Variants in NOL4 observed in about 807,000 individuals in gnomAD.
NOL4 encodes the protein nucleolar protein 4, also known as cancer/testis antigen 125.
NOL4 carries 17 observed loss-of-function variants against 75.9 expected under a neutral mutation model. That is an observed-to-expected ratio of 0.22 (90% CI 0.15 to 0.34). The LOEUF is 0.34. Ranked by LOEUF, NOL4 falls within the 10% of genes least tolerant of loss-of-function variation. The pLI is 1.00. For synonymous variants in NOL4, 292 were observed against 289.9 expected (o/e 1.01, Z -0.07); for missense variants, 614 against 793.5 (o/e 0.77, Z 2.72).
At chr18:33,881,659 C>A (rs1436490082) in intron 10 of NOL4, among the ~76,000 whole-genome samples, 2 of 152,050 alleles carry the variant, frequency 1.3e-5, no homozygotes, top group Non-Finnish European at 2.9e-5. Flanking sequence ...AATGCCATCC[C>A]CATCAAGCTA....
chr18:34,212,081 T>C (rs2036552366), intron 1 of NOL4, among the ~76,000 whole-genome samples: 3 of 152,204 alleles, frequency 2.0e-5, no homozygotes, highest in Non-Finnish European at 1.5e-5. Flanking sequence ...TTTCCTTTGA[T>C]ATGTGTACTT....
In NOL4 at chr18:33,917,122, C is replaced by T. The variant is rs1165607307; in HGVS notation, c.1542+25943G>A. Among the ~76,000 whole-genome samples, 5 of 152,092 alleles carry T rather than the reference C, an allele frequency of 3.3e-5. No individual in the cohort carries two copies. The East Asian group carries it at 7.7e-4, about 24-fold the overall frequency. ...CAAGGTAATTAATAATTTTTAATTA[C>T]CAGGAGCCTAGATTATGCAAATGAA... On this transcript the variant is annotated intron_variant, in intron 9 of 10. Coordinates refer to ENST00000261592, the MANE Select transcript of NOL4 (RefSeq NM_003787.5).
chr18:34,192,855 T>C (rs575979882), intron 1 of NOL4, among the ~76,000 whole-genome samples: 5 of 152,274 alleles, frequency 3.3e-5, no homozygotes, highest in Admixed American at 3.3e-4. Context: ...GCTTATCACA[T>C]AGTGGATTGT....
At chr18:33,998,298 T>C (rs763590378) in intron 6 of NOL4, among the ~76,000 whole-genome samples, 101 of 152,198 alleles carry the variant, frequency 6.6e-4, no homozygotes, top group Non-Finnish European at 1.1e-3. Context: ...ATAATGCTAC[T>C]AAAAAAGAAA....
chr18:33,984,418 C>T (rs1877147152), intron 6 of NOL4, among the ~76,000 whole-genome samples: 1 of 152,002 alleles, frequency 6.6e-6, no homozygotes, highest in South Asian at 2.1e-4. Flanking sequence ...ATCTGTGTCC[C>T]CACCCAAATC....
chr18:34,002,221 G>A (rs1443402280), intron 6 of NOL4, among the ~76,000 whole-genome samples: 1 of 151,932 alleles, frequency 6.6e-6, no homozygotes, highest in African/African-American at 2.4e-5. Context: ...AAGGACTTTT[G>A]AAATGTGGCC....
At chr18:34,199,490 G>GCTC (rs1467393117) in intron 1 of NOL4, among the ~76,000 whole-genome samples, 15 of 151,980 alleles carry the variant, frequency 9.9e-5, no homozygotes, top group African/African-American at 3.6e-4. Flanking sequence ...CAATTAAAGT[G>GCTC]CTCCTTAAGG....
At chr18:33,908,648 A>G (rs2066210980) in intron 9 of NOL4, among the ~76,000 whole-genome samples, 1 of 152,192 alleles carries the variant, frequency 6.6e-6, no homozygotes, top group African/African-American at 2.4e-5. Context: ...CAAGCATATC[A>G]ATTATGAAAT....
intron 6 of NOL4, among the ~76,000 whole-genome samples, chr18:33,993,359 A>G (rs2073058193): frequency 6.6e-6 from 1 of 152,010 alleles, no homozygotes; most frequent in Admixed American, 6.6e-5. Flanking sequence ...CCAAAGCTCC[A>G]CTTCCCTGAG....
intron 5 of NOL4, among the ~76,000 whole-genome samples, chr18:34,025,365 T>C (rs1023353750): frequency 6.6e-6 from 1 of 152,162 alleles, no homozygotes; most frequent in African/African-American, 2.4e-5. Flanking sequence ...GGGTCAAGTG[T>C]ATGTTTGGAA....
chr18:34,187,634 G>T (rs1329320076), intron 1 of NOL4, among the ~76,000 whole-genome samples: 2 of 151,974 alleles, frequency 1.3e-5, no homozygotes, highest in African/African-American at 2.4e-5. Flanking sequence ...TGATACGCCC[G>T]CCTCGGACTC....
intron 1 of NOL4, among the ~76,000 whole-genome samples, chr18:34,151,246 A>G (rs952250940): frequency 6.6e-6 from 1 of 152,002 alleles, no homozygotes; most frequent in African/African-American, 2.4e-5. Context: ...TAAGTCTACA[A>G]GAACACCTAC....
At chr18:33,978,429 C>T (rs1399441489) in intron 6 of NOL4, among the ~76,000 whole-genome samples, 1 of 152,028 alleles carries the variant, frequency 6.6e-6, no homozygotes, top group Non-Finnish European at 1.5e-5. Context: ...TACTTTTTCT[C>T]TTCCATAAGA....
chr18:34,111,103 G>A (rs1172113792), intron 2 of NOL4, among the ~76,000 whole-genome samples: 11 of 152,046 alleles, frequency 7.2e-5, no homozygotes, highest in Admixed American at 5.2e-4. Context: ...AACCAAATGT[G>A]GAAGAAATAA....
intron 6 of NOL4, among the ~76,000 whole-genome samples, chr18:33,970,082 AG>A (rs1412180836): frequency 6.6e-6 from 1 of 152,160 alleles, no homozygotes. Flanking sequence ...TTCTAGCGAG[AG>A]CCCAAGTGAT....
intron 6 of NOL4, among the ~76,000 whole-genome samples, chr18:34,018,828 C>A (rs2074860416): frequency 6.6e-6 from 1 of 152,076 alleles, no homozygotes; most frequent in South Asian, 2.1e-4. Context: ...TCATCCAGGA[C>A]CCTCACACTT....
At chr18:33,892,824 T>C (rs1286721891) in intron 9 of NOL4, among the ~76,000 whole-genome samples, 13 of 151,794 alleles carry the variant, frequency 8.6e-5, no homozygotes, top group Admixed American at 8.6e-4. Flanking sequence ...TCCTGGCTAA[T>C]TTTTTTCTTT....
chr18:34,121,430 A>T (rs1600660835), intron 2 of NOL4: 1 of 152,286 alleles, frequency 6.6e-6, no homozygotes, highest in African/African-American at 2.4e-5. Flanking sequence ...TTTCTTACAC[A>T]CTGCTGGTCT....
intron 2 of NOL4, among the ~76,000 whole-genome samples, chr18:34,129,540 A>G (rs1057420863): frequency 3.0e-4 from 46 of 151,784 alleles, no homozygotes; most frequent in African/African-American, 1.0e-3. Context: ...GTTCCAGTCC[A>G]TAATTCATAT....
Sources: allele counts gnomAD v4.1 joint callset (sites outside exome capture counted in the v4.1 genomes callset), GRCh38; gene constraint gnomAD v4.1.1; transcripts MANE v1.5; gene names NCBI Gene and HGNC (gene_info 2026-07-23, HGNC 2026-07-21).